Variants in WRAP73 observed in about 807,000 individuals in gnomAD.
WRAP73 encodes WD repeat-containing protein WRAP73.
WRAP73 carries 55 observed loss-of-function variants against 59.6 expected under a neutral mutation model. The ratio of observed to expected loss-of-function variants is 0.92; its 90% CI spans 0.74 to 1.15. The LOEUF (loss-of-function observed/expected upper bound fraction) is 1.15. Ranked by LOEUF, WRAP73 falls within the 50% of genes most tolerant of loss-of-function variation. WRAP73 has a pLI of 0.00. For synonymous variants in WRAP73, 265 were observed against 258.2 expected, an observed-to-expected ratio of 1.03 and a Z score of -0.25; for missense variants, 592 against 608.1, an observed-to-expected ratio of 0.97 and a Z score of 0.28.
At chr1:3,637,469 C>T (rs1163837809) in intron 4 of WRAP73, among the ~76,000 whole-genome samples, 1 of 152,214 alleles carries the variant, frequency 6.6e-6, no homozygotes, top group African/African-American at 2.4e-5. Context: ...GGGCTATCTC[C>T]AGCTAGGCAA....
In WRAP73 at chr1:3,637,074, C is replaced by A; in HGVS notation, c.437G>T (p.Arg146Leu). 6.2e-7 allele frequency: 1 copy of A among 1,611,980 alleles called. No homozygotes were observed. Among genetic ancestry groups the A allele is most frequent in the Non-Finnish European group, 8.5e-7 (1 of 1,179,544 alleles). ...LQGITFTRDG[R>L]YMALAERRDC... ...GCGCCGTTCTGCCAGCGCCATGTAG[C>A]GGCCGTCCCTGGTGAAGGTGATTCC... is the stretch of plus-strand genomic sequence containing the variant. Residue 146 changes from arginine to leucine, a missense_variant, in exon 5 of 12, where the codon CGC (arginine) becomes CTC (leucine). Coordinates refer to ENST00000270708, the MANE Select transcript of WRAP73 (RefSeq NM_017818.4).
intron 1 of WRAP73, among the ~76,000 whole-genome samples, chr1:3,649,389 A>G (rs752924483): frequency 8.5e-5 from 13 of 152,234 alleles, no homozygotes; most frequent in Non-Finnish European, 5.9e-5. Flanking sequence ...AGAGATGACA[A>G]AGTAGCCACA....
intron 3 of WRAP73, among the ~76,000 whole-genome samples, chr1:3,645,827 T>G (rs1202435685): frequency 6.6e-6 from 1 of 152,134 alleles, no homozygotes; most frequent in Non-Finnish European, 1.5e-5. Context: ...GCACGGAGGC[T>G]GTTGTGCGGT....
rs941277741 is a variant in WRAP73 at position 3,645,559 on chromosome 1, G to A, written c.339+1107C>T. On this transcript the variant is annotated intron_variant, in intron 3 of 11. Coordinates refer to ENST00000270708, the MANE Select transcript of WRAP73 (RefSeq NM_017818.4). ...GGCGCAGCGGGATGGGCGGGTTACC[G>A]AGGTGCAGCCAGCAGCCCAGACAGC... 8.6e-5 allele frequency among the ~76,000 whole-genome samples: 13 copies of A among 151,928 alleles called. No individual in the cohort carries two copies. In the East Asian group the frequency reaches 1.5e-3, roughly 18 times the overall value.
intron 2 of WRAP73, chr1:3,647,114 T>A (rs917371550): frequency 2.2e-6 from 1 of 451,968 alleles, no homozygotes; most frequent in African/African-American, 2.0e-5. Flanking sequence ...AGTTAAGCTT[T>A]GGACACAGAA....
chr1:3,641,688 A>C (rs1236708551), intron 3 of WRAP73, among the ~76,000 whole-genome samples: 4 of 152,232 alleles, frequency 2.6e-5, no homozygotes, highest in African/African-American at 7.2e-5. Flanking sequence ...AAAGTGACTC[A>C]CTCAACTGTG....
chr1:3,638,203 C>A (rs754930560), intron 4 of WRAP73, among the ~76,000 whole-genome samples: 1 of 152,250 alleles, frequency 6.6e-6, no homozygotes, highest in Non-Finnish European at 1.5e-5. Flanking sequence ...ACTAGCTCTG[C>A]GCGGTCCAGT....
chr1:3,634,969 C>T lies in WRAP73; in HGVS notation c.816+28G>A, dbSNP rs759016291. On this transcript the variant is annotated intron_variant, in intron 8 of 11. Transcript: ENST00000270708. ...CCACCGCCCTCCCCAACAGCCTGCTCAGGCAGAAACACGTGTTCCAGACTT... is the reference window on the plus strand; with the variant it reads ...CCACCGCCCTCCCCAACAGCCTGCTTAGGCAGAAACACGTGTTCCAGACTT... 3.1e-6 allele frequency: 5 copies of T among 1,613,322 alleles called. No homozygotes were observed. In the South Asian group the frequency reaches 4.4e-5, roughly 14 times the overall value.
rs549727780 is a variant in WRAP73 at position 3,631,847 on chromosome 1, C to T, written c.1049-190G>A. 1.3e-3 allele frequency: 1,760 copies of T among 1,403,706 alleles called. 44 individuals are homozygous for T. In the South Asian group the frequency reaches 0.026, roughly 21 times the overall value. The allele number at this position is 1,403,706 out of a possible 1,614,324, so 87.0% of individuals were successfully genotyped here. A position where few individuals can be genotyped will look rare whatever the true frequency, so the allele number is the denominator to read the frequency against. ...CTGGCCAGGGCCAGGGTGGCCATCA[C>T]GGGCTGTAAGGGGCCCAAATGTGTT... On this transcript the variant is annotated intron_variant, in intron 10 of 11. Transcript: ENST00000270708.
intron 5 of WRAP73, 114 bp downstream of exon 5, chr1:3,636,881 C>T (rs957152340): frequency 8.1e-6 from 9 of 1,105,470 alleles, no homozygotes; most frequent in South Asian, 2.7e-5. Context: ...GTTAATACAA[C>T]ATCACCTTGC....
At chr1:3,642,859 G>A (rs1644659626) in intron 3 of WRAP73, among the ~76,000 whole-genome samples, 1 of 151,992 alleles carries the variant, frequency 6.6e-6, no homozygotes, top group Admixed American at 6.6e-5. Context: ...TGTGTGTAAT[G>A]AAACAAGATA....
rs1376084599 is a variant in WRAP73 at position 3,630,863 on chromosome 1, T to C, written c.*112A>G. The C allele has an allele frequency of 2.9e-6, 4 of 1,376,462 alleles. No homozygotes were observed. Among genetic ancestry groups the C allele is most frequent in the Admixed American group, 4.7e-5 (2 of 42,220 alleles). The allele number at this position is 1,376,462 out of a possible 1,614,324, so 85.3% of individuals were successfully genotyped here. On this transcript the variant is annotated 3_prime_UTR_variant, in exon 12 of 12. Coordinates refer to ENST00000270708, the MANE Select transcript of WRAP73 (RefSeq NM_017818.4). ...AATGCTTTGCTATAGAAAAATAGAATCAATCACTGAATCCAGACCACCACA... is the reference window on the plus strand; with the variant it reads ...AATGCTTTGCTATAGAAAAATAGAACCAATCACTGAATCCAGACCACCACA...
rs537754348 is a variant in WRAP73, at chr1:3,631,662, G to C, written c.1049-5C>G. 1.3e-6 allele frequency: 2 copies of C among 1,587,018 alleles called. No homozygotes were observed. Among genetic ancestry groups the C allele is most frequent in the African/African-American group, 1.3e-5 (1 of 74,868 alleles). On this transcript the variant is annotated splice_polypyrimidine_tract_variant and splice_region_variant and intron_variant, in intron 10 of 11. Transcript: ENST00000270708. ...AGACGGCATTGGGAATGTTGTCTGA[G>C]GAAGGAAGGACAGGGCACCGGTGTC...
At chr1:3,649,751 G>C (rs1443565768) in intron 1 of WRAP73, among the ~76,000 whole-genome samples, 180 bp downstream of exon 1, 1 of 150,326 alleles carries the variant, frequency 6.7e-6, no homozygotes, top group African/African-American at 2.5e-5. Flanking sequence ...GCACCTGTCT[G>C]GGGCACTTGC....
Position 3,639,029 on chromosome 1 carries a change from C to CTGT in WRAP73, c.340-210_340-208dup, listed in dbSNP as rs141003288. On this transcript the variant is annotated intron_variant, in intron 3 of 11. Transcript: ENST00000270708. The surrounding 1 kb of genome is among the most constrained non-coding windows in gnomAD (Gnocchi z 4.3). ...CGGTAAATTTGGTGTTCTTGGTTTT[C>CTGT]TGTTGTTGTTGTTTTATACCAAAAT... 1 of 549,918 alleles carries CTGT rather than the reference C, an allele frequency of 1.8e-6. No individual in the cohort carries two copies. The highest frequency in any genetic ancestry group is 3.1e-6 in the Non-Finnish European group (1 of 318,896). 34.1% of individuals were successfully genotyped at this position (549,918 alleles called of 1,614,324 possible).
chr1:3,638,450 C>G (rs771199691), intron 4 of WRAP73, among the ~76,000 whole-genome samples: 4 of 152,258 alleles, frequency 2.6e-5, no homozygotes, highest in Non-Finnish European at 2.9e-5. Context: ...GAACGCCCAG[C>G]TCTGCCGCCA....
chr1:3,631,418 C>A, intron 11 of WRAP73, 48 bp downstream of exon 11: 1 of 1,546,320 alleles, frequency 6.5e-7, no homozygotes, highest in Non-Finnish European at 8.8e-7. Context: ...TGATGCCAGA[C>A]TGCACACAGC....
intron 3 of WRAP73, among the ~76,000 whole-genome samples, chr1:3,644,404 G>A (rs1570309463): frequency 8.9e-6 from 1 of 112,498 alleles, no homozygotes; most frequent in African/African-American, 3.7e-5. Flanking sequence ...ATGGGGTCGC[G>A]CCTTCAGAAG....
At chr1:3,645,820 C>G (rs1416778510) in intron 3 of WRAP73, among the ~76,000 whole-genome samples, 2 of 152,206 alleles carry the variant, frequency 1.3e-5, no homozygotes, top group East Asian at 3.9e-4. Context: ...GAGCTCAGCA[C>G]GGAGGCTGTT....
Sources: gnomAD v4.1 joint callset for allele counts (sites outside exome capture counted in the v4.1 genomes callset) on GRCh38, gnomAD v4.1.1 for gene constraint, Gnocchi (gnomAD v3.1) non-coding constraint, MANE v1.5 for transcripts, NCBI Gene and HGNC (gene_info 2026-07-23, HGNC 2026-07-21) for gene names.